Variants in NEBL observed in about 807,000 individuals in gnomAD.
NEBL encodes the protein LIM and SH3 protein 2.
Under a neutral mutation model 140.2 loss-of-function variants are expected in NEBL, and 122 were observed. That is an observed-to-expected ratio of 0.87 (90% CI 0.75 to 1.01). The LOEUF (loss-of-function observed/expected upper bound fraction) is 1.01. Ranked by LOEUF, NEBL falls within the 50% of genes least tolerant of loss-of-function variation. The pLI, the probability that NEBL is intolerant of heterozygous loss-of-function variation, is 0.00. For missense variants in NEBL, 1,365 were observed against 1,231.3 expected (o/e 1.11, Z -1.62); for synonymous variants, 436 against 398.9 (o/e 1.09, Z -1.11).
chr10:20,857,416 T>C (rs1199427069), intron 9 of NEBL, among the ~76,000 whole-genome samples: 1 of 152,214 alleles, frequency 6.6e-6, no homozygotes, highest in Non-Finnish European at 1.5e-5. Flanking sequence ...TATTTCTGCA[T>C]CTAATCTATG....
intron 3 of NEBL, among the ~76,000 whole-genome samples, chr10:21,216,783 A>G (rs1252713163): frequency 6.6e-6 from 1 of 150,948 alleles, no homozygotes; most frequent in African/African-American, 2.5e-5. Context: ...AAAAAAAAAA[A>G]GAAAAAGAAA....
Position 20,867,118 on chromosome 10 carries a change from C to T in NEBL, c.684+1546G>A, listed in dbSNP as rs569643780. On this transcript the variant is annotated intron_variant, in intron 7 of 27. Coordinates refer to ENST00000377122, the MANE Select transcript of NEBL (RefSeq NM_006393.3). The stretch of plus-strand genomic sequence containing the variant: ...TATATTTTAAAAAACTATTCTCAGA[C>T]ACATCCTTCTCTGTATAAACTCTGA... Among the ~76,000 whole-genome samples the T allele has an allele frequency of 1.9e-4, 29 of 152,210 alleles. No individual in the cohort carries two copies. In the East Asian group the frequency reaches 5.2e-3, roughly 27 times the overall value.
chr10:21,261,837 C>T (rs1842742608), intron 1 of NEBL, among the ~76,000 whole-genome samples: 1 of 152,128 alleles, frequency 6.6e-6, no homozygotes, highest in Admixed American at 6.5e-5. Flanking sequence ...AACACACACT[C>T]ACATGCACCA....
At chr10:20,946,888 G>A (rs560062243) in intron 4 of NEBL, among the ~76,000 whole-genome samples, 31 of 152,156 alleles carry the variant, frequency 2.0e-4, no homozygotes, top group Admixed American at 1.8e-3. Flanking sequence ...AAACTGATGG[G>A]TTTTTTTGAA....
intron 2 of NEBL, among the ~76,000 whole-genome samples, chr10:21,094,073 C>G (rs148628803): frequency 3.3e-5 from 5 of 152,094 alleles, no homozygotes; most frequent in Non-Finnish European, 5.9e-5. Context: ...TAAAAAAGAC[C>G]GGGCTGGGTG....
At position 20,782,716 on chromosome 10, in the gene NEBL, C is replaced by T. The variant is rs1365589324; in HGVS notation, c.*3031G>A. 1 of 152,136 alleles carries T rather than the reference C, an allele frequency of 6.6e-6. No homozygotes were observed. The highest frequency in any genetic ancestry group is 1.5e-5 in the Non-Finnish European group (1 of 68,036). The allele number at this position is 152,136 out of a possible 1,614,324, so 9.4% of individuals were successfully genotyped here. On this transcript the variant is annotated 3_prime_UTR_variant, in exon 28 of 28. Coordinates refer to ENST00000377122, the MANE Select transcript of NEBL (RefSeq NM_006393.3). ...GATCATCAAGAGCCTCCTCCATGGG[C>T]AGTTGATAACCAAATAAATATTTCA...
In NEBL at chr10:20,887,275, A is replaced by C. The variant is rs987345209; in HGVS notation, c.369+822T>G. Among the ~76,000 whole-genome samples, 3 of 152,222 alleles carry C rather than the reference A, an allele frequency of 2.0e-5. 1 individual carries two copies. On this transcript the variant is annotated intron_variant, in intron 4 of 27. Coordinates refer to ENST00000377122, the MANE Select transcript of NEBL (RefSeq NM_006393.3). ...GTTCCTCTGCAACTGGCAATCACCA[A>C]ATAGTAACTTCCACCTGATGGGGGC... is the stretch of plus-strand genomic sequence containing the variant.
chr10:20,832,260 T>C (rs1429298807), intron 14 of NEBL, among the ~76,000 whole-genome samples: 2 of 152,236 alleles, frequency 1.3e-5, no homozygotes, highest in East Asian at 1.9e-4. Flanking sequence ...CTGGGATGCA[T>C]GCATCTTTTT....
chr10:20,799,710 A>C, intron 26 of NEBL, among the ~76,000 whole-genome samples: 1 of 152,212 alleles, frequency 6.6e-6, no homozygotes, highest in East Asian at 1.9e-4. Flanking sequence ...AAGGGTCACC[A>C]ATCAGTAGTC....
chr10:21,028,007 A>T (rs746982624), intron 2 of NEBL, among the ~76,000 whole-genome samples: 2 of 152,050 alleles, frequency 1.3e-5, no homozygotes, highest in East Asian at 3.9e-4. Flanking sequence ...GGATCACATC[A>T]CCTGAGGTCA....
intron 3 of NEBL, among the ~76,000 whole-genome samples, chr10:20,889,546 C>T (rs944839865): frequency 6.6e-6 from 1 of 151,964 alleles, no homozygotes; most frequent in African/African-American, 2.4e-5. Flanking sequence ...ACTATTGTGC[C>T]AGTGCTTTTA....
At chr10:21,241,236 G>A (rs559033410) in intron 3 of NEBL, among the ~76,000 whole-genome samples, 17 of 148,684 alleles carry the variant, frequency 1.1e-4, no homozygotes, top group Non-Finnish European at 1.9e-4. Flanking sequence ...AGAAAACCCC[G>A]ATGCCAGCAA....
chr10:20,839,638 A>C (rs1022585680), intron 13 of NEBL, among the ~76,000 whole-genome samples: 7 of 152,182 alleles, frequency 4.6e-5, no homozygotes, highest in Non-Finnish European at 1.0e-4. Flanking sequence ...TAAACACATA[A>C]AAATTTAGAA....
chr10:21,044,397 TAAAAAAAAAAAAAAA>T (rs57176129), intron 2 of NEBL, among the ~76,000 whole-genome samples: 6 of 34,866 alleles, frequency 1.7e-4, no homozygotes, highest in South Asian at 2.4e-3. Flanking sequence ...AGAGTAAGAA[TAAAAAAAAAAAAAAA>T]AAAAAAAAAA....
At chr10:21,252,384 G>A (rs1842598292) in intron 1 of NEBL, among the ~76,000 whole-genome samples, 1 of 152,184 alleles carries the variant, frequency 6.6e-6, no homozygotes, top group Non-Finnish European at 1.5e-5. Context: ...GCAGAATTAT[G>A]TTGATTGATT....
chr10:21,240,903 C>CACAA, intron 3 of NEBL, among the ~76,000 whole-genome samples: 1 of 131,046 alleles, frequency 7.6e-6, no homozygotes, highest in Non-Finnish European at 1.6e-5. Flanking sequence ...AAAACACGCA[C>CACAA]ACATACACAC....
rs1051413884 is a variant in NEBL, at chr10:21,211,376, G to A, written n.348+36545C>T. Among the ~76,000 whole-genome samples the A allele has an allele frequency of 4.6e-5, 7 of 152,292 alleles. No individual in the cohort carries two copies. The East Asian group carries it at 1.4e-3, about 29-fold the overall frequency. On this transcript the variant is annotated intron_variant and non_coding_transcript_variant, in intron 3 of 8. Transcript: ENST00000675702. ...CACACCTGTAGTCCCAGCTACTAGG[G>A]AGGCTGAGGTGGGAGGATCGCTTGA...
intron 2 of NEBL, among the ~76,000 whole-genome samples, chr10:21,109,315 A>T (rs1444306237): frequency 1.3e-5 from 2 of 152,182 alleles, no homozygotes; most frequent in East Asian, 3.8e-4. Context: ...TGATTTGCGT[A>T]TGTTGAACCA....
chr10:20,937,070 G>C (rs1733727349), intron 4 of NEBL, among the ~76,000 whole-genome samples: 1 of 152,168 alleles, frequency 6.6e-6, no homozygotes, highest in Non-Finnish European at 1.5e-5. Flanking sequence ...CACCTGCCAA[G>C]TGCAGCCCAA....
Sources: gnomAD v4.1 joint callset for allele counts (sites outside exome capture counted in the v4.1 genomes callset) on GRCh38, gnomAD v4.1.1 for gene constraint, MANE v1.5 for transcripts, NCBI Gene and HGNC (gene_info 2026-07-23, HGNC 2026-07-21) for gene names.